The following MYO7B variants were observed in gnomAD, a reference collection of about 807,000 sequenced individuals.
The protein encoded by MYO7B is unconventional myosin-VIIb.
MYO7B carries 212 observed loss-of-function variants against 259.7 expected under a neutral mutation model. The observed-to-expected ratio is 0.82, with a 90% CI of 0.73 to 0.91. The LOEUF (loss-of-function observed/expected upper bound fraction) is 0.91. MYO7B is among the 40% of genes least tolerant of loss of function. MYO7B has a pLI of 0.00. For missense variants in MYO7B, 2,732 were observed against 2,813.5 expected, an observed-to-expected ratio of 0.97 and a Z score of 0.66; for synonymous variants, 1,197 against 1,166.4, an observed-to-expected ratio of 1.03 and a Z score of -0.54.
At position 127,636,378 on chromosome 2, in the gene MYO7B, A is replaced by C. The variant is rs1029925443; in HGVS notation, c.6123+54A>C. The C allele has an allele frequency of 1.9e-6, 3 of 1,539,510 alleles. No individual in the cohort carries two copies. In the African/African-American group the frequency reaches 4.1e-5, roughly 21 times the overall value. ...TACCCAAGCAGGCTCCGCTCAGCCC[A>C]GCCCCAGCAGGCCCAGCGTCAACCA... is the stretch of plus-strand genomic sequence containing the variant. On this transcript the variant is annotated intron_variant, in intron 45 of 47. Transcript: ENST00000409816. This position sits in a 1 kb window ranked among gnomAD's most constrained non-coding sequence, Gnocchi z 4.5.
chr2:127,550,037 A>G (rs1693388472), intron 1 of MYO7B, among the ~76,000 whole-genome samples: 1 of 152,196 alleles, frequency 6.6e-6, no homozygotes, highest in Non-Finnish European at 1.5e-5. Flanking sequence ...ATTGTATTTC[A>G]TAATTTTGGC....
chr2:127,538,041 G>T (rs1692857438), intron 1 of MYO7B, among the ~76,000 whole-genome samples: 1 of 152,182 alleles, frequency 6.6e-6, no homozygotes, highest in South Asian at 2.1e-4. Context: ...TACACCAGAG[G>T]CACAGACCTC....
chr2:127,570,029 T>TGTGTTTTGTGTCCCAA, intron 6 of MYO7B, 119 bp downstream of exon 6: 1 of 1,268,526 alleles, frequency 7.9e-7, no homozygotes, highest in Non-Finnish European at 1.1e-6. Context: ...TCCAGACCCT[T>TGTGTTTTGTGTCCCAA]GGGACACAAA....
intron 6 of MYO7B, among the ~76,000 whole-genome samples, chr2:127,571,913 G>T (rs577407515): frequency 6.6e-6 from 1 of 152,266 alleles, no homozygotes; most frequent in East Asian, 1.9e-4. Context: ...CAGGGCAGAA[G>T]TTTTAAATTT....
chr2:127,543,168 G>A (rs755459991), intron 1 of MYO7B, among the ~76,000 whole-genome samples: 6 of 152,230 alleles, frequency 3.9e-5, no homozygotes, highest in South Asian at 2.1e-4. Context: ...CCCTTCCCAC[G>A]AGGCCATATC....
At chr2:127,560,686 C>T (rs193220089) in intron 2 of MYO7B, among the ~76,000 whole-genome samples, 16 of 152,298 alleles carry the variant, frequency 1.1e-4, no homozygotes, top group African/African-American at 3.8e-4. Context: ...CCTGTGCATC[C>T]TTCCCTGCCC....
Position 127,629,772 on chromosome 2 carries a change from C to T in MYO7B, c.4752C>T (p.Pro1584=), listed in dbSNP as rs1681363377. The T allele has an allele frequency of 6.2e-7, 1 of 1,608,344 alleles. No individual in the cohort carries two copies. The highest frequency in any genetic ancestry group is 2.2e-5 in the East Asian group (1 of 44,758). Reference sequence around the variant, plus strand: ...GGACAGGCAAGACGGGGCTGGTGCCCATGGCCTGCCTCTACACCATCCCCA... The same window carrying T: ...GGACAGGCAAGACGGGGCTGGTGCCTATGGCCTGCCTCTACACCATCCCCA... ...NDRTGKTGLV[P]MACLYTIPTV... The change falls in exon 35 of 48, where the codon CCC becomes CCT. Residue 1584 remains proline, a synonymous_variant. Transcript: ENST00000409816.
intron 6 of MYO7B, among the ~76,000 whole-genome samples, chr2:127,571,442 G>GTTTTTTTTTTGTTTGTTT (rs1553448471): frequency 2.4e-5 from 1 of 41,984 alleles, no homozygotes; most frequent in Admixed American, 3.4e-4. Context: ...TTACCAGTGA[G>GTTTTTTTTTTGTTTGTTT]TTTTTTTTTT....
chr2:127,605,354 G>A (rs1680123044), intron 19 of MYO7B, among the ~76,000 whole-genome samples: 1 of 152,236 alleles, frequency 6.6e-6, no homozygotes, highest in South Asian at 2.1e-4. Flanking sequence ...CCAGCACTTT[G>A]GGAGGCCGAG....
At chr2:127,620,244 C>T (rs1680775942) in intron 26 of MYO7B, 96 bp from the exon 27 acceptor site, 2 of 1,433,584 alleles carry the variant, frequency 1.4e-6, no homozygotes, top group East Asian at 2.4e-5. Flanking sequence ...CATATGGGAC[C>T]TCTCAGAGGT....
At position 127,628,564 on chromosome 2, in the gene MYO7B, TGGGGTG is replaced by T. The variant is rs1681283707; in HGVS notation, c.4624+33_4624+38del. 2.5e-5 allele frequency: 1 copy of T among 39,798 alleles called. No homozygotes were observed. Among genetic ancestry groups the T allele is most frequent in the Non-Finnish European group, 4.6e-5 (1 of 21,880 alleles). 2.5% of individuals were successfully genotyped at this position (39,798 alleles called of 1,614,324 possible). ...CCAGACTGGGTGGGGTGGGGTGGGGTGGGGTGGGGTGGGGGAGGGCCGCGCATGGGG... is the reference window on the plus strand; with the variant it reads ...CCAGACTGGGTGGGGTGGGGTGGGGTGGGTGGGGGAGGGCCGCGCATGGGG... On this transcript the variant is annotated intron_variant, in intron 34 of 47. Transcript: ENST00000409816. This position sits in a 1 kb window ranked among gnomAD's most constrained non-coding sequence, Gnocchi z 4.8.
At chr2:127,621,272 T>TG (rs1264072316) in intron 27 of MYO7B, among the ~76,000 whole-genome samples, 1 of 150,964 alleles carries the variant, frequency 6.6e-6, no homozygotes, top group Non-Finnish European at 1.5e-5. Context: ...TTTGTTTTTT[T>TG]TTTTTTTTTG....
Position 127,635,903 on chromosome 2 carries a change from A to G in MYO7B, c.6002A>G (p.Lys2001Arg). Residue 2001 changes from lysine (K) to arginine (R), a missense_variant, in exon 44 of 48, where the codon AAA (lysine) becomes AGA (arginine). Around this residue, in one of 3 missense-constraint regions of MYO7B, gnomAD observed 821 missense variants for 769.3 expected, o/e 1.07. Coordinates refer to ENST00000409816, the MANE Select transcript of MYO7B (RefSeq NM_001393586.1). ...LTRLMSSEEW[K>R]KSILLAYDKH... is the part of the protein sequence containing the mutation. ...CGCCTGATGTCCTCGGAGGAGTGGA[A>G]AAAGGTCCCTGGTCGGGCTGGGGAA... 1.3e-6 allele frequency: 2 copies of G among 1,568,456 alleles called. No individual in the cohort carries two copies. The highest frequency in any genetic ancestry group is 1.7e-6 in the Non-Finnish European group (2 of 1,157,056).
chr2:127,543,175 T>C (rs1693076751), intron 1 of MYO7B, among the ~76,000 whole-genome samples: 1 of 152,202 alleles, frequency 6.6e-6, no homozygotes, highest in African/African-American at 2.4e-5. Context: ...CACGAGGCCA[T>C]ATCTCAGGCT....
rs746350804 is a variant in MYO7B at position 127,635,185 on chromosome 2, G to A, written c.5779G>A (p.Gly1927Arg). Reference sequence around the variant, plus strand: ...GAAATTGTGGCTCAACATATCTCCAGGGAAGGATGTGAATGCAGACACCAT... The same window carrying A: ...GAAATTGTGGCTCAACATATCTCCAAGGAAGGATGTGAATGCAGACACCAT... ...MRKLWLNISP[G>R]KDVNADTILH... The change falls in exon 43 of 48, where the codon GGG becomes AGG. Residue 1927 changes from glycine (G) to arginine (R), a missense_variant. Gly to Arg is a moderately radical substitution (Grantham distance 125). Around this residue, in one of 3 missense-constraint regions of MYO7B, gnomAD observed 821 missense variants for 769.3 expected, o/e 1.07. Transcript: ENST00000409816. 20 of 1,613,692 alleles carry A rather than the reference G, an allele frequency of 1.2e-5. No individual in the cohort carries two copies. The highest frequency in any genetic ancestry group is 2.7e-5 in the African/African-American group (2 of 75,036).
At chr2:127,578,316 T>C in intron 9 of MYO7B, 30 bp downstream of exon 9, 1 of 1,612,178 alleles carries the variant, frequency 6.2e-7, no homozygotes, top group Non-Finnish European at 8.5e-7. Context: ...AACTGCACCC[T>C]TGGGGAGGGA....
intron 1 of MYO7B, among the ~76,000 whole-genome samples, chr2:127,542,583 T>C (rs1035402283): frequency 2.0e-5 from 3 of 151,932 alleles, no homozygotes; most frequent in African/African-American, 7.3e-5. Context: ...GATGAAGGGG[T>C]GGCCAGCCCC....
In MYO7B at chr2:127,564,107, G is replaced by A. The variant is rs775750209; in HGVS notation, c.19-46G>A. 2.2e-6 allele frequency: 3 copies of A among 1,333,404 alleles called. No homozygotes were observed. The South Asian group carries it at 4.0e-5, about 18-fold the overall frequency. 82.6% of individuals were successfully genotyped at this position (1,333,404 alleles called of 1,614,324 possible). ...AGAAGTAAGTATCCAGCAGGGAGGG[G>A]AAGAGAGAGCGGGGATCACACCACT... On this transcript the variant is annotated intron_variant, in intron 2 of 47. Transcript: ENST00000409816.
Position 127,637,579 on chromosome 2 carries a change from G to C in MYO7B, c.*162G>C. The C allele has an allele frequency of 1.8e-6, 1 of 545,410 alleles. No homozygotes were observed. Among genetic ancestry groups the C allele is most frequent in the Non-Finnish European group, 3.1e-6 (1 of 319,424 alleles). The allele number at this position is 545,410 out of a possible 1,614,324, so 33.8% of individuals were successfully genotyped here. A position where few individuals can be genotyped will look rare whatever the true frequency, so the allele number is the denominator to read the frequency against. On this transcript the variant is annotated 3_prime_UTR_variant, in exon 48 of 48. Coordinates refer to ENST00000409816, the MANE Select transcript of MYO7B (RefSeq NM_001393586.1). ...CCCGCAGGCGGCCCCCTCTGTCCTGGGCGCTGCCCAGGGAGGCCAAAAGAC... is the reference window on the plus strand; with the variant it reads ...CCCGCAGGCGGCCCCCTCTGTCCTGCGCGCTGCCCAGGGAGGCCAAAAGAC...
Sources: gnomAD v4.1 joint callset for allele counts (sites outside exome capture counted in the v4.1 genomes callset) on GRCh38, gnomAD v4.1.1 for gene constraint, gnomAD v4.1.1 regional missense constraint, Gnocchi (gnomAD v3.1) non-coding constraint, MANE v1.5 for transcripts, NCBI Gene and HGNC (gene_info 2026-07-23, HGNC 2026-07-21) for gene names.